The following MAGI2 variants were observed in gnomAD, a reference collection of about 807,000 sequenced individuals.
MAGI2 encodes membrane-associated guanylate kinase, WW and PDZ domain-containing protein 2.
A neutral mutation model predicts 133.3 loss-of-function variants in MAGI2; 35 were observed. That is an observed-to-expected ratio of 0.26 (90% CI 0.20 to 0.35). MAGI2 has a LOEUF of 0.35. Ranked by LOEUF, MAGI2 falls within the 10% of genes least tolerant of loss-of-function variation. MAGI2 has a pLI of 1.00. For missense variants in MAGI2, 1,636 were observed against 1,863.4 expected, an observed-to-expected ratio of 0.88 and a Z score of 2.25; for synonymous variants, 729 against 710.6, an observed-to-expected ratio of 1.03 and a Z score of -0.41.
intron 6 of MAGI2, among the ~76,000 whole-genome samples, chr7:78,371,614 C>G (rs1793922500): frequency 6.6e-6 from 1 of 151,950 alleles, no homozygotes; most frequent in African/African-American, 2.4e-5. Context: ...CCCAGAAGGG[C>G]AGAGTTCATT....
intron 1 of MAGI2, among the ~76,000 whole-genome samples, chr7:79,230,374 T>G (rs1423801506): frequency 6.6e-6 from 1 of 152,038 alleles, no homozygotes; most frequent in African/African-American, 2.4e-5. Flanking sequence ...CACACCGACT[T>G]CCACAATGGT....
At chr7:79,188,832 C>CA (rs1254509351) in intron 1 of MAGI2, among the ~76,000 whole-genome samples, 1 of 151,778 alleles carries the variant, frequency 6.6e-6, no homozygotes, top group African/African-American at 2.4e-5. Flanking sequence ...ACTGTCCTGT[C>CA]ACAGCCATTA....
At chr7:78,231,322 A>G (rs936830814) in intron 10 of MAGI2, among the ~76,000 whole-genome samples, 3 of 152,170 alleles carry the variant, frequency 2.0e-5, no homozygotes, top group Non-Finnish European at 4.4e-5. Context: ...ATGGAGAGGA[A>G]TACTCTTTGG....
At chr7:78,889,023 G>T (rs1336390482) in intron 2 of MAGI2, among the ~76,000 whole-genome samples, 1 of 152,162 alleles carries the variant, frequency 6.6e-6, no homozygotes, top group Non-Finnish European at 1.5e-5. Flanking sequence ...TCAATGCAGA[G>T]AAGTCCTTAA....
chr7:79,126,863 A>T lies in MAGI2; in HGVS notation c.302-119657T>A, dbSNP rs142702709. On this transcript the variant is annotated intron_variant, in intron 1 of 21. Coordinates refer to ENST00000354212, the MANE Select transcript of MAGI2 (RefSeq NM_012301.4). ...TGTGCACAACGTGAAGGTTTGTTAC[A>T]TATGTATACATGTGCCATGTTGGTG... Among the ~76,000 whole-genome samples the T allele has an allele frequency of 2.6e-3, 400 of 151,954 alleles. 1 individual carries two copies. Among genetic ancestry groups the T allele is most frequent in the African/African-American group, 9.3e-3 (384 of 41,404 alleles).
intron 3 of MAGI2, among the ~76,000 whole-genome samples, chr7:78,589,213 C>G (rs1803734854): frequency 6.6e-6 from 1 of 152,172 alleles, no homozygotes; most frequent in African/African-American, 2.4e-5. Context: ...ATCACCATCA[C>G]CACCATCATG....
chr7:78,377,397 C>T lies in MAGI2; in HGVS notation c.1046-8184G>A, dbSNP rs149059830. ...TGCTCAGAAAGGTAAATTCCCATCC[C>T]GAGTGAAGAAATGTTTCTAGCAAAC... On this transcript the variant is annotated intron_variant, in intron 6 of 21. Transcript: ENST00000354212. Among the ~76,000 whole-genome samples, 6 of 151,896 alleles carry T rather than the reference C, an allele frequency of 4.0e-5. No individual in the cohort carries two copies. In the East Asian group the frequency reaches 5.8e-4, roughly 15 times the overall value.
At chr7:78,451,359 G>A (rs554028716) in intron 6 of MAGI2, among the ~76,000 whole-genome samples, 1 of 152,064 alleles carries the variant, frequency 6.6e-6, no homozygotes, top group Non-Finnish European at 1.5e-5. Flanking sequence ...AAATAAAAAG[G>A]GAACTGCTTT....
chr7:78,428,020 A>G (rs989754380), intron 6 of MAGI2, among the ~76,000 whole-genome samples: 8 of 152,134 alleles, frequency 5.3e-5, no homozygotes, highest in African/African-American at 1.9e-4. Flanking sequence ...CATAAATGAG[A>G]AGTTCTCAGA....
At chr7:78,978,599 C>T (rs1804500557) in intron 2 of MAGI2, among the ~76,000 whole-genome samples, 1 of 151,628 alleles carries the variant, frequency 6.6e-6, no homozygotes, top group Non-Finnish European at 1.5e-5. Context: ...TTGTCAAAAC[C>T]CAAAGAATTT....
chr7:78,051,745 C>T (rs923383798), intron 21 of MAGI2, among the ~76,000 whole-genome samples: 4 of 151,830 alleles, frequency 2.6e-5, no homozygotes, highest in Non-Finnish European at 4.4e-5. Flanking sequence ...CCACCATGCC[C>T]GGCTAATTTT....
In MAGI2 at chr7:78,681,180, G is replaced by A. The variant is rs117721459; in HGVS notation, c.419-53941C>T. 5.1e-3 allele frequency among the ~76,000 whole-genome samples: 769 copies of A among 152,022 alleles called. 6 individuals carry two copies. The highest frequency in any genetic ancestry group is 8.6e-3 in the Non-Finnish European group (587 of 67,980). ...ACATTCTCCATATCCACATTTCCAG[G>A]TGCCTCATGAGGGGGTGAAACTGCC... On this transcript the variant is annotated intron_variant, in intron 2 of 21. Transcript: ENST00000354212.
chr7:78,564,945 C>T (rs1800792039), intron 3 of MAGI2, among the ~76,000 whole-genome samples: 1 of 151,568 alleles, frequency 6.6e-6, no homozygotes, highest in Non-Finnish European at 1.5e-5. Context: ...AGGCACCCGC[C>T]ACCACGCCCA....
chr7:78,878,945 G>A (rs1795634033), intron 2 of MAGI2, among the ~76,000 whole-genome samples: 1 of 152,174 alleles, frequency 6.6e-6, no homozygotes, highest in African/African-American at 2.4e-5. Flanking sequence ...ATCTGGATCA[G>A]CAGCCTGATT....
At chr7:78,231,682 C>A (rs1789986357) in intron 10 of MAGI2, among the ~76,000 whole-genome samples, 1 of 152,140 alleles carries the variant, frequency 6.6e-6, no homozygotes, top group Non-Finnish European at 1.5e-5. Context: ...AAGGTCCTCC[C>A]TCCTTCCCTA....
At chr7:78,818,369 T>C (rs1401058423) in intron 2 of MAGI2, among the ~76,000 whole-genome samples, 1 of 152,190 alleles carries the variant, frequency 6.6e-6, no homozygotes, top group Admixed American at 6.5e-5. Context: ...GAGAGCTCAG[T>C]AAGGGCTACA....
intron 1 of MAGI2, among the ~76,000 whole-genome samples, chr7:79,087,008 A>G (rs1026936100): frequency 6.6e-6 from 1 of 151,734 alleles, no homozygotes; most frequent in Non-Finnish European, 1.5e-5. Context: ...ATTTGTTAAT[A>G]AAGAAAATTA....
chr7:78,649,115 G>T (rs894090244), intron 2 of MAGI2, among the ~76,000 whole-genome samples: 1 of 150,180 alleles, frequency 6.7e-6, no homozygotes, highest in Non-Finnish European at 1.5e-5. Context: ...TTGTTAAACC[G>T]CATGTCTGTT....
intron 1 of MAGI2, among the ~76,000 whole-genome samples, chr7:79,136,270 A>G (rs1349601980): frequency 6.6e-6 from 1 of 152,210 alleles, no homozygotes; most frequent in Non-Finnish European, 1.5e-5. Flanking sequence ...AAAGGTTTTC[A>G]GTCAGATGTC....
Sources: allele counts gnomAD v4.1 joint callset (sites outside exome capture counted in the v4.1 genomes callset), GRCh38; gene constraint gnomAD v4.1.1; transcripts MANE v1.5; gene names NCBI Gene and HGNC (gene_info 2026-07-23, HGNC 2026-07-21).